ASIC2: variants seen among roughly 807,000 people sequenced by gnomAD.
The protein encoded by ASIC2 is acid sensing ion channel subunit 2, also known as acid-sensing ion channel 2.
In ASIC2, 25 loss-of-function variants were observed where a neutral mutation model predicts 57.3. The observed-to-expected ratio is 0.44, with a 90% confidence interval of 0.32 to 0.61. ASIC2 has a LOEUF of 0.61. Among genes scored for constraint, ASIC2 ranks in the 20% least tolerant of loss-of-function variants. The probability of loss-of-function intolerance (pLI) is 0.06; values close to 1 mark genes in which losing one functional copy is unlikely to be tolerated. For synonymous variants in ASIC2, 319 were observed against 307.5 expected (o/e 1.04, Z -0.39); for missense variants, 641 against 738.1 (o/e 0.87, Z 1.52).
rs532209129 is a variant in ASIC2, at chr17:33,309,660, T to C, written c.556-197593A>G. Among the ~76,000 whole-genome samples, 39 of 152,162 alleles carry C rather than the reference T, an allele frequency of 2.6e-4. No individual in the cohort carries two copies. In the East Asian group the frequency reaches 6.8e-3, roughly 26 times the overall value. Reference sequence around the variant, plus strand: ...CTCTTGTGGCCTTTATCCCAAAGGATGGCAATACTGTCCACAAAGCTGAAG... The same window carrying C: ...CTCTTGTGGCCTTTATCCCAAAGGACGGCAATACTGTCCACAAAGCTGAAG... On this transcript the variant is annotated intron_variant, in intron 1 of 9. Coordinates refer to the ASIC2 transcript ENST00000359872.
At chr17:33,610,052 GCGCACA>G (rs1905347794) in intron 1 of ASIC2, among the ~76,000 whole-genome samples, 2 of 95,780 alleles carry the variant, frequency 2.1e-5, no homozygotes, top group African/African-American at 1.1e-4. Context: ...CTGGACAGAG[GCGCACA>G]CACACACACA....
intron 1 of ASIC2, among the ~76,000 whole-genome samples, chr17:33,461,106 AAATGTAACC>A (rs762831973): frequency 9.2e-5 from 14 of 152,166 alleles, no homozygotes; most frequent in Non-Finnish European, 1.3e-4. Flanking sequence ...TCTATATAAG[AAATGTAACC>A]AACCCACTTC....
At chr17:33,078,427 A>G (rs528523802) in intron 3 of ASIC2, among the ~76,000 whole-genome samples, 3 of 152,372 alleles carry the variant, frequency 2.0e-5, no homozygotes, top group South Asian at 2.1e-4. Context: ...AAGTTACACC[A>G]TATCTGAAGG....
chr17:33,984,473 C>T (rs537268010), intron 1 of ASIC2: 1 of 152,324 alleles, frequency 6.6e-6, no homozygotes, highest in Non-Finnish European at 1.5e-5. Context: ...ATTTTTAGGT[C>T]TCCTAGTTTC....
chr17:33,753,699 T>C (rs1305820868), intron 1 of ASIC2, among the ~76,000 whole-genome samples: 1 of 152,220 alleles, frequency 6.6e-6, no homozygotes, highest in African/African-American at 2.4e-5. Context: ...ATCCTTTGCC[T>C]TATTTGAACA....
At chr17:33,344,440 CT>C (rs1047103790) in intron 1 of ASIC2, among the ~76,000 whole-genome samples, 66 of 152,146 alleles carry the variant, frequency 4.3e-4, no homozygotes, top group African/African-American at 1.5e-3. Context: ...TAGTAGCTTC[CT>C]GGGACACGAC....
chr17:33,472,930 C>T (rs6505345), intron 1 of ASIC2, among the ~76,000 whole-genome samples: 107,926 of 151,556 alleles, frequency 0.71, 38,597 homozygotes, highest in African/African-American at 0.79. Context: ...GTTGTACTTC[C>T]CAAGCAAATA....
intron 1 of ASIC2, among the ~76,000 whole-genome samples, chr17:33,671,840 T>C (rs1907648216): frequency 6.6e-6 from 1 of 152,176 alleles, no homozygotes; most frequent in South Asian, 2.1e-4. Flanking sequence ...CTTTTTATTC[T>C]CATTCTTTAA....
At chr17:33,436,898 C>A (rs1911640240) in intron 1 of ASIC2, among the ~76,000 whole-genome samples, 1 of 114,752 alleles carries the variant, frequency 8.7e-6, no homozygotes, top group Admixed American at 1.3e-4. Context: ...CGGAGTCTCG[C>A]TCTGTCGCCC....
intron 1 of ASIC2, among the ~76,000 whole-genome samples, chr17:33,372,786 C>T (rs907786216): frequency 5.9e-5 from 9 of 152,280 alleles, no homozygotes; most frequent in South Asian, 2.1e-4. Context: ...GGGGCTTCCA[C>T]GCATTGTCTG....
intron 1 of ASIC2, among the ~76,000 whole-genome samples, chr17:33,427,109 G>A (rs1199810140): frequency 3.3e-5 from 5 of 152,182 alleles, no homozygotes; most frequent in African/African-American, 7.2e-5. Context: ...GACAAGAGAA[G>A]GGCCAGTGAT....
In ASIC2 at chr17:33,077,357, T is replaced by G. The variant is rs2092093083; in HGVS notation, c.987+11506A>C. ...GAGCAATTGATGAACCAATATTGAT[T>G]ATGCCTGCCATTTATTCATTCATTG... On this transcript the variant is annotated intron_variant, in intron 3 of 9. Coordinates refer to ENST00000225823, the MANE Select transcript of ASIC2 (RefSeq NM_183377.2). Among the ~76,000 whole-genome samples, 9 of 152,184 alleles carry G rather than the reference T, an allele frequency of 5.9e-5. No individual in the cohort carries two copies. In the South Asian group the frequency reaches 1.9e-3, roughly 32 times the overall value.
intron 1 of ASIC2, among the ~76,000 whole-genome samples, chr17:33,967,806 G>C (rs764780114): frequency 6.6e-6 from 1 of 152,154 alleles, no homozygotes; most frequent in East Asian, 1.9e-4. Context: ...CCACACCCCT[G>C]TGAGTAGACA....
intron 1 of ASIC2, among the ~76,000 whole-genome samples, chr17:33,412,766 G>T (rs567221745): frequency 1.3e-5 from 2 of 152,270 alleles, no homozygotes; most frequent in South Asian, 2.1e-4. Context: ...TGGGAGAGAC[G>T]TTGGTGCCCT....
At chr17:33,607,507 C>T (rs576522410) in intron 1 of ASIC2, among the ~76,000 whole-genome samples, 10 of 152,018 alleles carry the variant, frequency 6.6e-5, no homozygotes, top group Non-Finnish European at 1.2e-4. Flanking sequence ...GACTCCGAGG[C>T]GATCTTTCGA....
rs530248877 is a variant in ASIC2, at chr17:33,662,668, T to TAAATAAATAAAA, written c.555+493309_555+493310insTTTTATTTATTT. The stretch of plus-strand genomic sequence containing the variant: ...ATAAATAAATAAATAAATAAATAAA[T>TAAATAAATAAAA]AAGTAAAATAAAAAATGAAGTAAGT... On this transcript the variant is annotated intron_variant, in intron 1 of 9. Coordinates refer to the ASIC2 transcript ENST00000359872. Among the ~76,000 whole-genome samples the TAAATAAATAAAA allele has an allele frequency of 7.3e-3, 935 of 128,082 alleles. 19 individuals carry two copies. The highest frequency in any genetic ancestry group is 0.016 in the East Asian group (77 of 4,878). The allele number at this position is 128,082 out of a possible 152,430, so 84.0% of individuals were successfully genotyped here.
intron 1 of ASIC2, among the ~76,000 whole-genome samples, chr17:33,249,657 C>T (rs1249895563): frequency 6.6e-6 from 1 of 152,186 alleles, no homozygotes; most frequent in Non-Finnish European, 1.5e-5. Context: ...GGGCTGCAGC[C>T]CTGCCTTCTA....
At chr17:33,859,048 T>C (rs1028132319) in intron 1 of ASIC2, among the ~76,000 whole-genome samples, 7 of 152,244 alleles carry the variant, frequency 4.6e-5, no homozygotes, top group African/African-American at 1.7e-4. Context: ...CTGCTGAGTA[T>C]GTACTACATG....
At chr17:33,896,587 A>G (rs1324568259) in intron 1 of ASIC2, among the ~76,000 whole-genome samples, 1 of 152,226 alleles carries the variant, frequency 6.6e-6, no homozygotes, top group Non-Finnish European at 1.5e-5. Context: ...AGGATGCATT[A>G]GCCCAATGGC....
Sources: gnomAD v4.1 joint callset for allele counts (sites outside exome capture counted in the v4.1 genomes callset) on GRCh38, gnomAD v4.1.1 for gene constraint, MANE v1.5 for transcripts, NCBI Gene and HGNC (gene_info 2026-07-23, HGNC 2026-07-21) for gene names.